Variants in RFWD3 observed in about 807,000 individuals in gnomAD.
The protein encoded by RFWD3 is ring finger and WD repeat domain 3.
Under a neutral mutation model 87.7 loss-of-function variants are expected in RFWD3, and 65 were observed. The observed-to-expected ratio is 0.74, with a 90% confidence interval of 0.61 to 0.91. The LOEUF (loss-of-function observed/expected upper bound fraction) is 0.91. Ranked by LOEUF, RFWD3 falls within the 40% of genes least tolerant of loss-of-function variation. The probability of loss-of-function intolerance (pLI) is 0.00; values close to 1 mark genes in which losing one functional copy is unlikely to be tolerated. For missense variants in RFWD3, 1,078 were observed against 938.5 expected, an observed-to-expected ratio of 1.15 and a Z score of -1.94; for synonymous variants, 433 against 352.8, an observed-to-expected ratio of 1.23 and a Z score of -2.55.
intron 6 of RFWD3, among the ~76,000 whole-genome samples, chr16:74,640,072 A>T (rs1010255111): frequency 6.6e-6 from 1 of 152,020 alleles, no homozygotes; most frequent in Admixed American, 6.6e-5. Context: ...TCAGGCATTC[A>T]CTGGGGGCTC....
chr16:74,661,228 C>T lies in RFWD3; in HGVS notation c.222G>A (p.Pro74=), dbSNP rs746152970. The change falls in exon 2 of 13, where the codon CCG becomes CCA. Residue 74 remains proline (P), a synonymous_variant. Coordinates refer to ENST00000361070, the MANE Select transcript of RFWD3 (RefSeq NM_018124.4). ...QATPPLLQPA[P]QLSVDLTEVE... is the part of the protein sequence containing the mutation. ...CTTCTGTCAGGTCAACAGACAGTTG[C>T]GGAGCAGGCTGGAGCAGGGGTGGTG... 6.8e-6 allele frequency: 11 copies of T among 1,614,082 alleles called. No homozygotes were observed. The highest frequency in any genetic ancestry group is 3.3e-5 in the Admixed American group (2 of 59,994).
At chr16:74,651,662 G>T (rs1960576736) in intron 3 of RFWD3, among the ~76,000 whole-genome samples, 1 of 152,148 alleles carries the variant, frequency 6.6e-6, no homozygotes, top group Non-Finnish European at 1.5e-5. Context: ...TCAGATGTCT[G>T]AAGAAGTGAA....
chr16:74,663,735 C>A (rs959836745), intron 1 of RFWD3, among the ~76,000 whole-genome samples: 1 of 152,064 alleles, frequency 6.6e-6, no homozygotes, highest in Non-Finnish European at 1.5e-5. Context: ...AAAGGAGAAA[C>A]TGATGATTGA....
In RFWD3 at chr16:74,630,812, G is replaced by A. The variant is rs1488750011; in HGVS notation, c.1723C>T (p.His575Tyr). 1.9e-6 allele frequency: 3 copies of A among 1,612,200 alleles called. No individual in the cohort carries two copies. The Admixed American group carries it at 5.0e-5, about 27-fold the overall frequency. The part of the protein sequence containing the change: ...LVYDVRNTSS[H>Y]VQELVAQKAR... ...TTCTGAGCTACTAACTCCTGCACAT[G>A]ACTGCTCGTGTTTCGCACGTCATAT... The change falls in exon 10 of 13, where the codon CAT becomes TAT. Residue 575 changes from histidine (H) to tyrosine (Y), a missense_variant. His to Tyr is a moderately conservative substitution (Grantham distance 83). Coordinates refer to ENST00000361070, the MANE Select transcript of RFWD3 (RefSeq NM_018124.4).
intron 2 of RFWD3, among the ~76,000 whole-genome samples, chr16:74,654,590 T>C (rs1331525885): frequency 6.6e-6 from 1 of 152,080 alleles, no homozygotes; most frequent in Admixed American, 6.6e-5. Context: ...CTCTAAGTGT[T>C]CAAATTAAGG....
intron 6 of RFWD3, among the ~76,000 whole-genome samples, chr16:74,639,145 T>A (rs1042960835): frequency 4.0e-5 from 6 of 151,828 alleles, no homozygotes; most frequent in Admixed American, 2.6e-4. Context: ...TTCAAGAGAT[T>A]TCTTGCCTCA....
In RFWD3 at chr16:74,644,632, TC is replaced by T. The variant is rs2144200122; in HGVS notation, c.895del (p.Asp299ThrfsTer49). On this transcript the variant is annotated frameshift_variant, in exon 5 of 13. Coordinates refer to ENST00000361070, the MANE Select transcript of RFWD3 (RefSeq NM_018124.4). LOFTEE classifies it high-confidence loss of function. The part of the protein sequence containing the change: ...ICLEQWTNAG[D>X]HRLSALRCGH... ...ACAGCGTAATGCTGAGAGCCGGTGGTCCCCAGCATTGGTCCACTGTTCCAGA... is the reference window on the plus strand; with the variant it reads ...ACAGCGTAATGCTGAGAGCCGGTGGTCCCAGCATTGGTCCACTGTTCCAGA... 3 of 1,614,122 alleles carry T rather than the reference TC, an allele frequency of 1.9e-6. No individual in the cohort carries two copies. In the East Asian group the frequency reaches 6.7e-5, roughly 36 times the overall value.
At chr16:74,656,898 A>G (rs960787926) in intron 2 of RFWD3, among the ~76,000 whole-genome samples, 6 of 152,254 alleles carry the variant, frequency 3.9e-5, no homozygotes, top group African/African-American at 1.2e-4. Context: ...CAGTTAAGAA[A>G]GTAACTGCAG....
At chr16:74,666,211 T>TTG (rs1567591768) in intron 1 of RFWD3, 3 of 151,038 alleles carry the variant, frequency 2.0e-5, no homozygotes, top group Non-Finnish European at 2.9e-5. Flanking sequence ...GATAGATAGA[T>TTG]AGATAGATAG....
intron 2 of RFWD3, among the ~76,000 whole-genome samples, chr16:74,657,366 T>C (rs8062783): frequency 0.59 from 89,482 of 151,968 alleles, 27,555 homozygotes; most frequent in African/African-American, 0.77. Context: ...TCCTGAATTA[T>C]GAAAAAGTTG....
chr16:74,633,732 T>G (rs1029065556), intron 8 of RFWD3, among the ~76,000 whole-genome samples: 16 of 152,060 alleles, frequency 1.1e-4, no homozygotes, highest in African/African-American at 3.9e-4. Context: ...GGTGGCTCGC[T>G]TGAGATCATG....
chr16:74,624,989 AAAACAAAC>A (rs1044898621), intron 12 of RFWD3, among the ~76,000 whole-genome samples: 13 of 152,140 alleles, frequency 8.5e-5, no homozygotes, highest in South Asian at 2.1e-4. Flanking sequence ...CTGTCACTTA[AAAACAAAC>A]AAACAAACAA....
At position 74,631,751 on chromosome 16, in the gene RFWD3, G is replaced by A. The variant is rs1214688546; in HGVS notation, c.1577+772C>T. Among the ~76,000 whole-genome samples the A allele has an allele frequency of 4.6e-5, 7 of 152,038 alleles. No individual in the cohort carries two copies. In the East Asian group the frequency reaches 1.2e-3, roughly 25 times the overall value. ...GTAAACAGTACCAACCTGGTATGGC[G>A]ACTCTGATGTCAGGCACCAAAGCTT... On this transcript the variant is annotated intron_variant, in intron 9 of 12. Coordinates refer to ENST00000361070, the MANE Select transcript of RFWD3 (RefSeq NM_018124.4).
intron 8 of RFWD3, among the ~76,000 whole-genome samples, chr16:74,635,277 C>T (rs1031258514): frequency 1.3e-5 from 2 of 150,342 alleles, no homozygotes; most frequent in South Asian, 2.1e-4. Flanking sequence ...AGCGAGACTC[C>T]ATCTCAAAAA....
chr16:74,657,911 T>C (rs1567585955), intron 2 of RFWD3, among the ~76,000 whole-genome samples: 1 of 152,146 alleles, frequency 6.6e-6, no homozygotes, highest in Non-Finnish European at 1.5e-5. Flanking sequence ...AAATACATAC[T>C]AGAGTTAGGG....
intron 8 of RFWD3, among the ~76,000 whole-genome samples, chr16:74,635,459 T>TC (rs1261869220): frequency 7.7e-6 from 1 of 129,304 alleles, no homozygotes; most frequent in East Asian, 2.4e-4. Flanking sequence ...AGAGTGAGAC[T>TC]CCATCTCAAA....
chr16:74,657,962 TAA>T (rs1160674863), intron 2 of RFWD3, among the ~76,000 whole-genome samples: 1 of 152,152 alleles, frequency 6.6e-6, no homozygotes, highest in South Asian at 2.1e-4. Context: ...TAGAACCCAG[TAA>T]AAAAGTGATA....
intron 2 of RFWD3, among the ~76,000 whole-genome samples, chr16:74,657,266 C>G (rs1961058235): frequency 6.6e-6 from 1 of 152,126 alleles, no homozygotes; most frequent in African/African-American, 2.4e-5. Context: ...GAGAAGGTGA[C>G]AAGAATAAGG....
chr16:74,628,621 A>C lies in RFWD3; in HGVS notation c.1800T>G (p.Ala600=). 1 of 1,614,220 alleles carries C rather than the reference A, an allele frequency of 6.2e-7. No homozygotes were observed. The highest frequency in any genetic ancestry group is 8.5e-7 in the Non-Finnish European group (1 of 1,180,050). Reference sequence around the variant, plus strand: ...CCAGCACCCCACCATATGGAAATGCAGCTGAGGCAGCTCTGGGCATGTATG... The same window carrying C: ...CCAGCACCCCACCATATGGAAATGCCGCTGAGGCAGCTCTGGGCATGTATG... ...SLSYMPRAAS[A]AFPYGGVLAG... The change falls in exon 11 of 13, where the codon GCT becomes GCG. Residue 600 remains alanine, a synonymous_variant. Transcript: ENST00000361070.
Sources: allele counts gnomAD v4.1 joint callset (sites outside exome capture counted in the v4.1 genomes callset), GRCh38; gene constraint gnomAD v4.1.1; transcripts MANE v1.5; gene names NCBI Gene and HGNC (gene_info 2026-07-23, HGNC 2026-07-21).